The following NRXN1 variants were observed in gnomAD, a reference collection of about 807,000 sequenced individuals.
The protein encoded by NRXN1 is neurexin 1, also known as neurexin-1.
A neutral mutation model predicts 150.9 loss-of-function variants in NRXN1; 39 were observed. That is an observed-to-expected ratio of 0.26 (90% CI 0.20 to 0.34). The LOEUF (loss-of-function observed/expected upper bound fraction) is 0.34. Among genes scored for constraint, NRXN1 ranks in the 10% least tolerant of loss-of-function variants. The pLI is 1.00. For missense variants in NRXN1, 1,815 were observed against 1,949.9 expected (o/e 0.93, Z 1.30); for synonymous variants, 924 against 757.0 (o/e 1.22, Z -3.62).
chr2:50,265,565 A>C (rs2068746864), intron 17 of NRXN1, among the ~76,000 whole-genome samples: 1 of 152,234 alleles, frequency 6.6e-6, no homozygotes. Context: ...AGAATGCCCA[A>C]GACTGTTTCT....
intron 17 of NRXN1, among the ~76,000 whole-genome samples, chr2:50,328,248 G>C (rs1242086895): frequency 1.3e-5 from 2 of 151,616 alleles, no homozygotes; most frequent in African/African-American, 2.4e-5. Flanking sequence ...GTTATTGTTA[G>C]TGCTAGTGTA....
At chr2:50,636,164 A>T (rs1296312258) in intron 5 of NRXN1, among the ~76,000 whole-genome samples, 6 of 152,324 alleles carry the variant, frequency 3.9e-5, no homozygotes, top group Admixed American at 3.9e-4. Flanking sequence ...ATAGAAAAAA[A>T]ATACATGTTT....
intron 18 of NRXN1, among the ~76,000 whole-genome samples, chr2:50,218,022 C>G (rs577122319): frequency 1.4e-4 from 22 of 152,146 alleles, no homozygotes; most frequent in African/African-American, 5.1e-4. Flanking sequence ...GCACACTCCT[C>G]TCCCATACAT....
Position 50,740,077 on chromosome 2 carries a change from G to A in NRXN1, c.833-116462C>T, listed in dbSNP as rs575902126. ...CAAGTTTCTCATTTTATTTTGTTTT[G>A]TTTTTAAATTCTAAGTAGCTTTAAA... is the stretch of plus-strand genomic sequence containing the variant. On this transcript the variant is annotated intron_variant, in intron 5 of 22. Transcript: ENST00000401669. 2.8e-4 allele frequency among the ~76,000 whole-genome samples: 43 copies of A among 152,178 alleles called. No homozygotes were observed. In the South Asian group the frequency reaches 8.7e-3, roughly 31 times the overall value.
intron 5 of NRXN1, among the ~76,000 whole-genome samples, chr2:50,901,572 T>G (rs1682960205): frequency 6.6e-6 from 1 of 152,008 alleles, no homozygotes; most frequent in African/African-American, 2.4e-5. Context: ...TGAGAAAACA[T>G]TAATTATGCT....
At chr2:50,514,112 T>C (rs1287780866) in intron 12 of NRXN1, among the ~76,000 whole-genome samples, 1 of 152,208 alleles carries the variant, frequency 6.6e-6, no homozygotes, top group Non-Finnish European at 1.5e-5. Flanking sequence ...TTTCAGTGGT[T>C]AATCTGACTT....
intron 17 of NRXN1, among the ~76,000 whole-genome samples, chr2:50,447,998 G>A (rs1558748934): frequency 2.0e-5 from 3 of 151,690 alleles, no homozygotes; most frequent in Non-Finnish European, 4.4e-5. Context: ...TGTGACAACT[G>A]GGGTGTAATT....
Position 51,027,958 on chromosome 2 carries a change from C to T in NRXN1, c.316G>A (p.Asp106Asn), listed in dbSNP as rs200576486. 17 of 1,602,384 alleles carry T rather than the reference C, an allele frequency of 1.1e-5. No homozygotes were observed. The highest frequency in any genetic ancestry group is 1.3e-5 in the African/African-American group (1 of 74,912). Residue 106 changes from aspartate to asparagine, a missense_variant, in exon 2 of 23, where the codon GAC (aspartate) becomes AAC (asparagine). By Grantham distance (23) the Asp-to-Asn change is conservative. Around this residue, in one of 6 missense-constraint regions of NRXN1, gnomAD observed 554 missense variants for 478.8 expected, o/e 1.16. Transcript: ENST00000401669. ...FCAEPATLLA[D>N]TPVNDGAWHS... ...CAGGCGCCGTCGTTAACCGGCGTGT[C>T]GGCCAGGAGCGTCGCAGGCTCAGCG... is the stretch of plus-strand genomic sequence containing the variant.
intron 5 of NRXN1, among the ~76,000 whole-genome samples, chr2:50,651,236 T>C (rs1395470437): frequency 2.0e-5 from 3 of 152,138 alleles, no homozygotes; most frequent in African/African-American, 7.2e-5. Flanking sequence ...AATTCTCTCC[T>C]GTATAGAATA....
At chr2:49,951,665 C>A (rs1002245054) in intron 21 of NRXN1, among the ~76,000 whole-genome samples, 15 of 151,960 alleles carry the variant, frequency 9.9e-5, no homozygotes, top group African/African-American at 3.6e-4. Context: ...AAGATGTTTA[C>A]AAATGTAAAT....
At chr2:50,915,423 C>A (rs1298080306) in intron 5 of NRXN1, among the ~76,000 whole-genome samples, 1 of 151,596 alleles carries the variant, frequency 6.6e-6, no homozygotes, top group African/African-American at 2.4e-5. Context: ...TGAAAACCAG[C>A]ATTTTACCAA....
In NRXN1 at chr2:50,604,342, G is replaced by T. The variant is rs537255582; in HGVS notation, c.1320+15680C>A. On this transcript the variant is annotated intron_variant, in intron 8 of 22. Transcript: ENST00000401669. ...GGGACATGAAGCTGCAGTTTAATAA[G>T]CTCTCAGATGATGCTTATGCACAAA... Among the ~76,000 whole-genome samples the T allele has an allele frequency of 3.9e-5, 6 of 152,244 alleles. No individual in the cohort carries two copies. In the South Asian group the frequency reaches 1.2e-3, roughly 32 times the overall value.
At chr2:50,556,443 T>C (rs1392647543) in intron 8 of NRXN1, among the ~76,000 whole-genome samples, 1 of 152,098 alleles carries the variant, frequency 6.6e-6, no homozygotes, top group Non-Finnish European at 1.5e-5. Flanking sequence ...TAACAATTGA[T>C]GATATTTGTG....
At chr2:50,785,324 C>G (rs904261204) in intron 5 of NRXN1, among the ~76,000 whole-genome samples, 1 of 148,430 alleles carries the variant, frequency 6.7e-6, no homozygotes, top group Non-Finnish European at 1.5e-5. Context: ...TCTCAGCTCA[C>G]TGCAAGCTCC....
intron 5 of NRXN1, among the ~76,000 whole-genome samples, chr2:50,661,081 T>C (rs968841545): frequency 7.7e-5 from 2 of 26,118 alleles, no homozygotes; most frequent in African/African-American, 8.4e-4. Context: ...GTGTTCATTC[T>C]TGCCCATATA....
chr2:50,244,802 G>C (rs915916000), intron 17 of NRXN1, among the ~76,000 whole-genome samples: 4 of 151,718 alleles, frequency 2.6e-5, no homozygotes, highest in African/African-American at 9.7e-5. Context: ...ATGAATATTT[G>C]TCAAATATTT....
At chr2:50,823,904 C>T (rs1670079142) in intron 5 of NRXN1, among the ~76,000 whole-genome samples, 1 of 152,082 alleles carries the variant, frequency 6.6e-6, no homozygotes, top group African/African-American at 2.4e-5. Flanking sequence ...ATTTCTGGGA[C>T]ATTTTGAATT....
intron 8 of NRXN1, among the ~76,000 whole-genome samples, chr2:50,617,096 A>G (rs1432817339): frequency 6.6e-6 from 1 of 152,162 alleles, no homozygotes; most frequent in Non-Finnish European, 1.5e-5. Context: ...GGCCTTCTAA[A>G]TAGATAATGG....
intron 18 of NRXN1, among the ~76,000 whole-genome samples, chr2:50,142,869 G>A (rs534550128): frequency 1.2e-3 from 183 of 151,824 alleles, no homozygotes; most frequent in African/African-American, 4.3e-3. Flanking sequence ...AGAATAAAGC[G>A]AAACCCAGGC....
Sources: allele counts gnomAD v4.1 joint callset (sites outside exome capture counted in the v4.1 genomes callset), GRCh38; gene constraint gnomAD v4.1.1; regional missense constraint gnomAD v4.1.1; transcripts MANE v1.5; gene names NCBI Gene and HGNC (gene_info 2026-07-23, HGNC 2026-07-21).